Variants in PDZRN4 observed in about 807,000 individuals in gnomAD.
The protein encoded by PDZRN4 is PDZ domain containing ring finger 4.
Under a neutral mutation model 99.0 loss-of-function variants are expected in PDZRN4, and 70 were observed. That is an observed-to-expected ratio of 0.71 (90% CI 0.58 to 0.86). PDZRN4 has a LOEUF of 0.86. Ranked by LOEUF, PDZRN4 falls within the 40% of genes least tolerant of loss-of-function variation. The pLI is 0.00. For missense variants in PDZRN4, 1,474 were observed against 1,331.2 expected (o/e 1.11, Z -1.67); for synonymous variants, 551 against 501.6 (o/e 1.10, Z -1.32).
chr12:41,411,935 TG>T (rs1952403073), intron 3 of PDZRN4: 1 of 152,208 alleles, frequency 6.6e-6, no homozygotes, highest in African/African-American at 2.4e-5. Flanking sequence ...GGGCCAAGTC[TG>T]GTCTAGTCAA....
At chr12:41,439,237 A>G (rs1239734018) in intron 3 of PDZRN4, among the ~76,000 whole-genome samples, 1 of 152,176 alleles carries the variant, frequency 6.6e-6, no homozygotes, top group African/African-American at 2.4e-5. Flanking sequence ...ACCAGGGGCA[A>G]TACCTTTTGC....
chr12:41,255,041 C>T (rs962048022), intron 3 of PDZRN4, among the ~76,000 whole-genome samples: 22 of 152,122 alleles, frequency 1.4e-4, no homozygotes, highest in African/African-American at 4.8e-4. Context: ...CACAACTGCC[C>T]TCCAGCATAA....
At chr12:41,385,363 G>A (rs1952161938) in intron 3 of PDZRN4, among the ~76,000 whole-genome samples, 1 of 152,112 alleles carries the variant, frequency 6.6e-6, no homozygotes, top group African/African-American at 2.4e-5. Flanking sequence ...AAGTAAAATG[G>A]ACATGCTATT....
At chr12:41,287,322 T>G (rs1489348594) in intron 3 of PDZRN4, among the ~76,000 whole-genome samples, 1 of 152,158 alleles carries the variant, frequency 6.6e-6, no homozygotes, top group East Asian at 1.9e-4. Flanking sequence ...ACTAGCTAAA[T>G]AGATGAACTC....
chr12:41,388,284 A>G (rs1294733212), intron 3 of PDZRN4, among the ~76,000 whole-genome samples: 1 of 152,144 alleles, frequency 6.6e-6, no homozygotes, highest in Non-Finnish European at 1.5e-5. Context: ...GGTCAGGAAA[A>G]ATAACTAATG....
At chr12:41,461,913 AC>A (rs1256803712) in intron 3 of PDZRN4, among the ~76,000 whole-genome samples, 1 of 151,584 alleles carries the variant, frequency 6.6e-6, no homozygotes. Flanking sequence ...CTCTCACCCA[AC>A]CCCCCATGCC....
Position 41,341,818 on chromosome 12 carries a change from A to G in PDZRN4, c.843+147630A>G, listed in dbSNP as rs374997661. Among the ~76,000 whole-genome samples, 89 of 152,088 alleles carry G rather than the reference A, an allele frequency of 5.9e-4. No homozygotes were observed. In the South Asian group the frequency reaches 0.012, roughly 21 times the overall value. ...TAATGCAATCATTGTCAAAATACCA[A>G]TGACATTTTTCACAGGAATAAAGAC... On this transcript the variant is annotated intron_variant, in intron 3 of 9. Transcript: ENST00000402685.
intron 3 of PDZRN4, among the ~76,000 whole-genome samples, chr12:41,472,652 G>T (rs964783733): frequency 6.6e-6 from 1 of 152,080 alleles, no homozygotes; most frequent in Non-Finnish European, 1.5e-5. Flanking sequence ...TACCATGATT[G>T]CATGTTAAAA....
intron 3 of PDZRN4, among the ~76,000 whole-genome samples, chr12:41,204,898 C>T (rs2120675134): frequency 6.6e-6 from 1 of 152,010 alleles, no homozygotes; most frequent in South Asian, 2.1e-4. Context: ...TGTCATCTTC[C>T]CTCTCCTAGA....
In PDZRN4 at chr12:41,188,890, G is replaced by A; in HGVS notation, c.435G>A (p.Ala145=). 1.8e-6 allele frequency: 2 copies of A among 1,097,442 alleles called. No individual in the cohort carries two copies. The highest frequency in any genetic ancestry group is 2.2e-6 in the Non-Finnish European group (2 of 903,646). 68.0% of individuals were successfully genotyped at this position (1,097,442 alleles called of 1,614,324 possible). Residue 145 remains alanine, a synonymous_variant, in exon 1 of 10, where the codon GCG becomes GCA. Transcript: ENST00000402685. ...CCAGGGCTGGCCGGGGCGGGGGCGC[G>A]CGCGGGGGGCCGCCGGGCGGCCGCT... The part of the protein sequence containing the change: ...PTPRAGRGGG[A]RGGPPGGRWG...
rs1202220643 is a variant in PDZRN4, at chr12:41,541,786, G to T, written c.1204-10870G>T. 2.0e-5 allele frequency among the ~76,000 whole-genome samples: 3 copies of T among 152,110 alleles called. No individual in the cohort carries two copies. The East Asian group carries it at 5.8e-4, about 29-fold the overall frequency. The stretch of plus-strand genomic sequence containing the variant: ...CCTATTTTTAAAAATTCCCTTGAAG[G>T]CACTCTTGTGGATCATTTTGCGAAT... On this transcript the variant is annotated intron_variant, in intron 5 of 9. Coordinates refer to ENST00000402685, the MANE Select transcript of PDZRN4 (RefSeq NM_001164595.2).
intron 3 of PDZRN4, among the ~76,000 whole-genome samples, chr12:41,417,373 C>T (rs1162428539): frequency 6.6e-6 from 1 of 152,156 alleles, no homozygotes; most frequent in Non-Finnish European, 1.5e-5. Flanking sequence ...TACCTAATTT[C>T]AAGGAGGACA....
chr12:41,344,710 T>A (rs1951840817), intron 3 of PDZRN4, among the ~76,000 whole-genome samples: 1 of 149,710 alleles, frequency 6.7e-6, no homozygotes, highest in Admixed American at 6.7e-5. Flanking sequence ...ACTTTTATAA[T>A]AATTAATTTT....
In PDZRN4 at chr12:41,572,487, C is replaced by T; in HGVS notation, c.1708C>T (p.Gln570Ter). The change falls in exon 10 of 10, where the codon CAG becomes TAG. Residue 570 changes from glutamine (Q) to a stop codon, truncating the protein, a stop_gained. Transcript: ENST00000402685. LOFTEE classifies it high-confidence loss of function. The stretch of plus-strand genomic sequence containing the variant: ...CTTGCGAAATGATGAGAGCTCAGAG[C>T]AGGAGAATGCAGCCGAGGACCCCAA... ...ESLRNDESSEQENAAEDPNST... is the reference protein window; with the variant it reads ...ESLRNDESSE 1 of 1,614,056 alleles carries T rather than the reference C, an allele frequency of 6.2e-7. No homozygotes were observed. Among genetic ancestry groups the T allele is most frequent in the Non-Finnish European group, 8.5e-7 (1 of 1,179,990 alleles).
Position 41,547,733 on chromosome 12 carries a change from C to T in PDZRN4, c.1204-4923C>T, listed in dbSNP as rs566165333. On this transcript the variant is annotated intron_variant, in intron 5 of 9. Transcript: ENST00000402685. ...CCTGGTCCAGATTTCCTGACATCGA[C>T]TGTTGTTTGCCAGCATCATGAATTC... Among the ~76,000 whole-genome samples the T allele has an allele frequency of 1.7e-3, 260 of 152,318 alleles. 1 individual carries two copies. Among genetic ancestry groups the T allele is most frequent in the African/African-American group, 5.9e-3 (247 of 41,572 alleles).
intron 3 of PDZRN4, among the ~76,000 whole-genome samples, chr12:41,371,507 T>C (rs1952041385): frequency 6.6e-6 from 1 of 152,000 alleles, no homozygotes; most frequent in Non-Finnish European, 1.5e-5. Flanking sequence ...CTTGTCTCAT[T>C]TGAGACCAAG....
intron 3 of PDZRN4, among the ~76,000 whole-genome samples, chr12:41,384,779 T>C (rs1164055954): frequency 6.6e-6 from 1 of 152,106 alleles, no homozygotes; most frequent in Non-Finnish European, 1.5e-5. Flanking sequence ...GTGCCCTGGG[T>C]GAGACTCAAT....
chr12:41,518,935 A>G (rs1385784496), intron 5 of PDZRN4, among the ~76,000 whole-genome samples: 1 of 151,972 alleles, frequency 6.6e-6, no homozygotes, highest in Non-Finnish European at 1.5e-5. Context: ...GTGACAAAGC[A>G]AGACCCCCAA....
chr12:41,350,746 G>A (rs1951884074), intron 3 of PDZRN4, among the ~76,000 whole-genome samples: 1 of 152,056 alleles, frequency 6.6e-6, no homozygotes, highest in African/African-American at 2.4e-5. Flanking sequence ...TTACATACAT[G>A]TTTTGAATAT....
Sources: gnomAD v4.1 joint callset for allele counts (sites outside exome capture counted in the v4.1 genomes callset) on GRCh38, gnomAD v4.1.1 for gene constraint, MANE v1.5 for transcripts, NCBI Gene and HGNC (gene_info 2026-07-23, HGNC 2026-07-21) for gene names.